DPP6: variants seen among roughly 807,000 people sequenced by gnomAD.
DPP6 encodes A-type potassium channel modulatory protein DPP6.
DPP6 carries 69 observed loss-of-function variants against 122.6 expected under a neutral mutation model. The ratio of observed to expected loss-of-function variants is 0.56; its 90% CI spans 0.46 to 0.69. The LOEUF (loss-of-function observed/expected upper bound fraction) is 0.69. Among genes scored for constraint, DPP6 ranks in the 30% least tolerant of loss-of-function variants. The pLI is 0.00. For synonymous variants in DPP6, 418 were observed against 433.1 expected (o/e 0.97, Z 0.43); for missense variants, 928 against 1,116.9 (o/e 0.83, Z 2.41).
chr7:154,231,705 G>C (rs905023759), intron 1 of DPP6, among the ~76,000 whole-genome samples: 1 of 152,100 alleles, frequency 6.6e-6, no homozygotes, highest in African/African-American at 2.4e-5. Context: ...ACTACCTGTT[G>C]TCTCTCTCCT....
At chr7:154,478,687 G>A (rs1478467346) in intron 3 of DPP6, among the ~76,000 whole-genome samples, 1 of 152,062 alleles carries the variant, frequency 6.6e-6, no homozygotes, top group African/African-American at 2.4e-5. Flanking sequence ...ATTCTGATTT[G>A]AACCTAGGTC....
At chr7:154,300,846 G>T (rs1271551482) in intron 1 of DPP6, among the ~76,000 whole-genome samples, 2 of 152,184 alleles carry the variant, frequency 1.3e-5, no homozygotes, top group Non-Finnish European at 2.9e-5. Context: ...TCCATGTGTT[G>T]AAGTCTTAAC....
At chr7:154,120,151 T>A (rs1807334142) in intron 1 of DPP6, among the ~76,000 whole-genome samples, 1 of 152,244 alleles carries the variant, frequency 6.6e-6, no homozygotes, top group Non-Finnish European at 1.5e-5. Flanking sequence ...ATGTGTTTTT[T>A]ACACTTTATA....
At chr7:154,883,388 TCA>T (rs138312012) in intron 21 of DPP6, among the ~76,000 whole-genome samples, 40,787 of 104,642 alleles carry the variant, frequency 0.39, 8,122 homozygotes, top group African/African-American at 0.61. Flanking sequence ...ATACACCTGC[TCA>T]CACACACACA....
At chr7:154,229,689 T>C (rs944346854) in intron 1 of DPP6, among the ~76,000 whole-genome samples, 1 of 152,206 alleles carries the variant, frequency 6.6e-6, no homozygotes, top group African/African-American at 2.4e-5. Context: ...GCATCAATTA[T>C]TACACCATTC....
chr7:153,788,965 C>CAA, the DPP6 span, among the ~76,000 whole-genome samples: 1 of 134,592 alleles, frequency 7.4e-6, no homozygotes, highest in Non-Finnish European at 1.6e-5. Flanking sequence ...AAGTCTGTCT[C>CAA]AAAAAAAAAA....
At chr7:154,015,297 G>T (rs1179783896) in intron 1 of DPP6, among the ~76,000 whole-genome samples, 1 of 151,944 alleles carries the variant, frequency 6.6e-6, no homozygotes, top group Non-Finnish European at 1.5e-5. Context: ...GTCTTCCCGC[G>T]TGACCTCTCA....
Position 154,821,802 on chromosome 7 carries a change from C to T in DPP6, c.1666+14690C>T, listed in dbSNP as rs1478490469. ...TGCTTTTCAGTTCAATCAAAGGAAA[C>T]AGTAAGACCATTTTGGTGACTACAA... On this transcript the variant is annotated intron_variant, in intron 16 of 25. Transcript: ENST00000377770. This position sits in a 1 kb window ranked among gnomAD's most constrained non-coding sequence, Gnocchi z 4.2. 6.6e-6 allele frequency among the ~76,000 whole-genome samples: 1 copy of T among 151,760 alleles called. No homozygotes were observed. Among genetic ancestry groups the T allele is most frequent in the Non-Finnish European group, 1.5e-5 (1 of 67,972 alleles).
chr7:154,215,720 G>A (rs914723049), intron 1 of DPP6, among the ~76,000 whole-genome samples: 11 of 151,930 alleles, frequency 7.2e-5, no homozygotes, highest in African/African-American at 2.7e-4. Flanking sequence ...AAGTAGGCTG[G>A]CCCAGAATCA....
chr7:154,706,803 G>A (rs1436975465), intron 7 of DPP6, among the ~76,000 whole-genome samples: 1 of 152,182 alleles, frequency 6.6e-6, no homozygotes, highest in Non-Finnish European at 1.5e-5. Flanking sequence ...GTGGGTTCAG[G>A]AGGTGAGAAA....
In DPP6 at chr7:154,267,446, A is replaced by G. The variant is rs144830023; in HGVS notation, c.244-178768A>G. ...TATACATATACATGCACATACATATATAATGTGTGTATATATTTATCTCTT... is the reference window on the plus strand; with the variant it reads ...TATACATATACATGCACATACATATGTAATGTGTGTATATATTTATCTCTT... On this transcript the variant is annotated intron_variant, in intron 1 of 25. Transcript: ENST00000377770. Among the ~76,000 whole-genome samples, 1,054 of 147,862 alleles carry G rather than the reference A, an allele frequency of 7.1e-3. 24 individuals are homozygous for G. The highest frequency in any genetic ancestry group is 0.023 in the African/African-American group (946 of 40,354).
At chr7:154,326,831 A>C (rs1437017595) in intron 1 of DPP6, among the ~76,000 whole-genome samples, 1 of 152,226 alleles carries the variant, frequency 6.6e-6, no homozygotes, top group Non-Finnish European at 1.5e-5. Flanking sequence ...GCCTGGAAGG[A>C]ATTCCTGTTC....
intron 1 of DPP6, among the ~76,000 whole-genome samples, chr7:154,013,796 G>A (rs1798269929): frequency 1.3e-5 from 2 of 152,020 alleles, no homozygotes; most frequent in African/African-American, 4.8e-5. Flanking sequence ...AATTCACTAG[G>A]AGTGTACAAG....
chr7:153,937,022 T>C (rs532954222), intron 1 of DPP6, among the ~76,000 whole-genome samples: 47 of 152,266 alleles, frequency 3.1e-4, no homozygotes, highest in African/African-American at 1.1e-3. Context: ...TTACTTGCAA[T>C]TGGCCTCTAG....
chr7:154,758,161 A>G (rs1795264363), intron 8 of DPP6, among the ~76,000 whole-genome samples: 1 of 152,214 alleles, frequency 6.6e-6, no homozygotes, highest in African/African-American at 2.4e-5. Flanking sequence ...TGAAGAGCTT[A>G]GGAAACAGCA....
At chr7:154,017,005 C>A (rs1009866005) in intron 1 of DPP6, among the ~76,000 whole-genome samples, 1 of 152,220 alleles carries the variant, frequency 6.6e-6, no homozygotes, top group African/African-American at 2.4e-5. Context: ...TTAGTGGGTA[C>A]AAACGTGCAG....
chr7:154,248,680 A>G (rs1802147223), intron 1 of DPP6, among the ~76,000 whole-genome samples: 2 of 152,266 alleles, frequency 1.3e-5, no homozygotes, highest in East Asian at 1.9e-4. Context: ...AATCTGGCCA[A>G]GATGGGGAAA....
chr7:154,360,321 G>T (rs1811623512), intron 1 of DPP6, among the ~76,000 whole-genome samples: 1 of 152,082 alleles, frequency 6.6e-6, no homozygotes, highest in Non-Finnish European at 1.5e-5. Context: ...CATCTCCCAA[G>T]ACTCTATACT....
In DPP6 at chr7:154,143,906, C is replaced by T. The variant is rs183516320; in HGVS notation, c.243+90843C>T. 5.0e-3 allele frequency among the ~76,000 whole-genome samples: 754 copies of T among 151,822 alleles called. 3 individuals carry two copies. Among genetic ancestry groups the T allele is most frequent in the African/African-American group, 0.017 (722 of 41,380 alleles). ...CTTTGTACATTCATTAAATAATTTC[C>T]TTAGGATAAGATTTTTCACAAATTA... On this transcript the variant is annotated intron_variant, in intron 1 of 25. Transcript: ENST00000377770.
Sources: gnomAD v4.1 joint callset for allele counts (sites outside exome capture counted in the v4.1 genomes callset) on GRCh38, gnomAD v4.1.1 for gene constraint, Gnocchi (gnomAD v3.1) non-coding constraint, MANE v1.5 for transcripts, NCBI Gene and HGNC (gene_info 2026-07-23, HGNC 2026-07-21) for gene names.